EYA4: variants seen among roughly 807,000 people sequenced by gnomAD.
EYA4 encodes protein phosphatase EYA4.
EYA4 carries 31 observed loss-of-function variants against 87.9 expected under a neutral mutation model. That is an observed-to-expected ratio of 0.35 (90% CI 0.27 to 0.48). The LOEUF is 0.48. Ranked by LOEUF, EYA4 falls within the 20% of genes least tolerant of loss-of-function variation. EYA4 has a pLI of 0.99. For synonymous variants in EYA4, 263 were observed against 270.6 expected (o/e 0.97, Z 0.28); for missense variants, 678 against 761.4 (o/e 0.89, Z 1.29).
chr6:133,390,436 G>A lies in EYA4; in HGVS notation c.83+7995G>A, dbSNP rs534179275. Among the ~76,000 whole-genome samples the A allele has an allele frequency of 2.6e-3, 402 of 152,202 alleles. 1 individual carries two copies. The highest frequency in any genetic ancestry group is 9.4e-3 in the African/African-American group (390 of 41,542). On this transcript the variant is annotated intron_variant, in intron 3 of 19. Coordinates refer to ENST00000355286, the MANE Select transcript of EYA4 (RefSeq NM_004100.5). ...GGGGTTTTGTCATCCTGGCCAGGCT[G>A]GTCTCAAACTCCTGACCTCAAGTCA...
intron 5 of EYA4, among the ~76,000 whole-genome samples, chr6:133,455,270 T>G (rs542481603): frequency 6.6e-6 from 1 of 152,180 alleles, no homozygotes; most frequent in Non-Finnish European, 1.5e-5. Flanking sequence ...ATATAAATAA[T>G]TAGACTACTC....
At chr6:133,352,914 A>G (rs1783745239) in intron 2 of EYA4, among the ~76,000 whole-genome samples, 1 of 151,926 alleles carries the variant, frequency 6.6e-6, no homozygotes, top group South Asian at 2.1e-4. Context: ...TCAAAATATC[A>G]TCAGTGACAA....
chr6:133,387,675 T>C (rs1179936822), intron 3 of EYA4, among the ~76,000 whole-genome samples: 1 of 152,224 alleles, frequency 6.6e-6, no homozygotes, highest in South Asian at 2.1e-4. Flanking sequence ...TTATAAGGCA[T>C]ACTTCCCCTG....
intron 2 of EYA4, among the ~76,000 whole-genome samples, chr6:133,348,183 A>C (rs574941142): frequency 6.6e-6 from 1 of 151,912 alleles, no homozygotes; most frequent in Non-Finnish European, 1.5e-5. Context: ...CTTAAACATA[A>C]ATTTTGAAGC....
intron 7 of EYA4, 81 bp downstream of exon 7, chr6:133,461,261 G>A (rs535508295): frequency 1.0e-6 from 1 of 996,790 alleles, no homozygotes; most frequent in East Asian, 2.4e-5. Flanking sequence ...GATAATACTT[G>A]GATAGATTAC....
intron 11 of EYA4, among the ~76,000 whole-genome samples, chr6:133,472,344 G>A (rs1158496462): frequency 2.1e-5 from 2 of 95,254 alleles, no homozygotes; most frequent in Non-Finnish European, 3.9e-5. Context: ...CCTTCATTTC[G>A]TTATGTACCC....
chr6:133,396,751 G>A (rs1050829240), intron 3 of EYA4, among the ~76,000 whole-genome samples: 1 of 152,084 alleles, frequency 6.6e-6, no homozygotes, highest in Non-Finnish European at 1.5e-5. Flanking sequence ...CATGCAACAT[G>A]ACTGGAAGTG....
At chr6:133,427,637 A>T (rs912907895) in intron 3 of EYA4, among the ~76,000 whole-genome samples, 4 of 152,306 alleles carry the variant, frequency 2.6e-5, no homozygotes, top group Middle Eastern at 6.8e-3. Context: ...GATATGTGTT[A>T]AATAGTTGAA....
chr6:133,481,620 A>AGAT, intron 12 of EYA4, 21 bp downstream of exon 12: 1 of 1,612,694 alleles, frequency 6.2e-7, no homozygotes, highest in Non-Finnish European at 8.5e-7. Context: ...TCATTCTTAA[A>AGAT]GATTGTAGTG....
At chr6:133,312,651 C>G (rs1279421842) in intron 2 of EYA4, among the ~76,000 whole-genome samples, 1 of 152,174 alleles carries the variant, frequency 6.6e-6, no homozygotes, top group African/African-American at 2.4e-5. Context: ...TGCAGCCATT[C>G]AAGCTGGACT....
chr6:133,483,111 G>A lies in EYA4; in HGVS notation c.1187G>A (p.Gly396Asp), dbSNP rs757922684. ...LLTGSYAQKY[G>D]KDPPMAVTLG... ...ACCGGGTCTTATGCACAGAAGTATG[G>A]CAAGGTAAGAAATCAAGAAATGTTA... Residue 396 changes from glycine to aspartate, a missense_variant, in exon 13 of 20, where the codon GGC becomes GAC. Gly to Asp is a moderately conservative substitution (Grantham distance 94, BLOSUM62 -1). Coordinates refer to ENST00000355286, the MANE Select transcript of EYA4 (RefSeq NM_004100.5). 3.7e-6 allele frequency: 6 copies of A among 1,608,442 alleles called. No homozygotes were observed. Among genetic ancestry groups the A allele is most frequent in the Non-Finnish European group, 5.1e-6 (6 of 1,175,328 alleles).
intron 3 of EYA4, among the ~76,000 whole-genome samples, chr6:133,431,983 A>AG (rs1170977411): frequency 7.4e-5 from 11 of 149,394 alleles, no homozygotes; most frequent in African/African-American, 2.5e-4. Context: ...CTTTTTCATG[A>AG]GGGCAGACCA....
At chr6:133,462,962 C>T (rs1234114296) in intron 9 of EYA4, among the ~76,000 whole-genome samples, 198 bp downstream of exon 9, 1 of 152,120 alleles carries the variant, frequency 6.6e-6, no homozygotes, top group Non-Finnish European at 1.5e-5. Flanking sequence ...CTATACCAAA[C>T]TTAAATACTT....
intron 2 of EYA4, among the ~76,000 whole-genome samples, chr6:133,380,476 G>A (rs1238043626): frequency 6.6e-6 from 1 of 152,140 alleles, no homozygotes; most frequent in African/African-American, 2.4e-5. Context: ...TAGGAAGCTT[G>A]TCTGTCTCTG....
intron 2 of EYA4, among the ~76,000 whole-genome samples, chr6:133,308,903 A>C (rs1780009939): frequency 6.6e-6 from 1 of 151,950 alleles, no homozygotes; most frequent in Non-Finnish European, 1.5e-5. Context: ...AAATATTTTA[A>C]ATATGTTTAA....
chr6:133,296,733 C>G (rs1778976667), intron 2 of EYA4, among the ~76,000 whole-genome samples: 1 of 152,120 alleles, frequency 6.6e-6, no homozygotes, highest in Non-Finnish European at 1.5e-5. Context: ...CGATTCCCAG[C>G]ACATTTCTTA....
At chr6:133,412,539 C>CT (rs1213575060) in intron 3 of EYA4, among the ~76,000 whole-genome samples, 1 of 152,046 alleles carries the variant, frequency 6.6e-6, no homozygotes, top group African/African-American at 2.4e-5. Context: ...GTGTGTCTGG[C>CT]TTCTTTTGCT....
chr6:133,291,529 G>A (rs1037221824), intron 2 of EYA4, among the ~76,000 whole-genome samples: 1 of 152,060 alleles, frequency 6.6e-6, no homozygotes, highest in South Asian at 2.1e-4. Flanking sequence ...CCATAGTTTC[G>A]TTATGGTGCT....
Position 133,531,206 on chromosome 6 carries a change from C to T in EYA4, c.*2401C>T. 1 of 1,535,062 alleles carries T rather than the reference C, an allele frequency of 6.5e-7. No homozygotes were observed. Among genetic ancestry groups the T allele is most frequent in the Non-Finnish European group, 8.7e-7 (1 of 1,146,764 alleles). ...ACATCTCTTTTTCTGATTCTGTGTT[C>T]AGAAGAGGCTGCCGGCATAAAACCT... On this transcript the variant is annotated 3_prime_UTR_variant, in exon 20 of 20. Transcript: ENST00000355286.
Sources: allele counts gnomAD v4.1 joint callset (sites outside exome capture counted in the v4.1 genomes callset), GRCh38; gene constraint gnomAD v4.1.1; transcripts MANE v1.5; gene names NCBI Gene and HGNC (gene_info 2026-07-23, HGNC 2026-07-21).